Variants in VPS53 observed in about 807,000 individuals in gnomAD.
VPS53 encodes the protein vacuolar protein sorting-associated protein 53 homolog.
A neutral mutation model predicts 107.0 loss-of-function variants in VPS53; 70 were observed. The ratio of observed to expected loss-of-function variants is 0.65; its 90% CI spans 0.54 to 0.80. The LOEUF is 0.80. Among genes scored for constraint, VPS53 ranks in the 30% least tolerant of loss-of-function variants. The pLI is 0.00. For synonymous variants in VPS53, 409 were observed against 393.3 expected, an observed-to-expected ratio of 1.04 and a Z score of -0.47; for missense variants, 917 against 1,049.4, an observed-to-expected ratio of 0.87 and a Z score of 1.74.
intron 2 of VPS53, among the ~76,000 whole-genome samples, chr17:708,368 C>T (rs574712028): frequency 2.0e-4 from 31 of 152,166 alleles, no homozygotes; most frequent in African/African-American, 4.8e-4. Flanking sequence ...GGACAGCAGA[C>T]GTCAGCATTT....
At chr17:619,235 G>C (rs917263140) in intron 11 of VPS53, among the ~76,000 whole-genome samples, 1 of 140,348 alleles carries the variant, frequency 7.1e-6, no homozygotes. Context: ...CACGACGCCT[G>C]CTAATATTTC....
Position 623,647 on chromosome 17 carries a change from G to A in VPS53, c.1002C>T (p.Thr334=). ...ATTTCACTTCAATTTCCTTCGCTCTGGTACGCATAATCTTGGCAAGTTCTG... is the reference window on the plus strand; with the variant it reads ...ATTTCACTTCAATTTCCTTCGCTCTAGTACGCATAATCTTGGCAAGTTCTG... ...TRAELAKIMR[T]RAKEIEVKLL... The change falls in exon 11 of 22, where the codon ACC becomes ACT. Residue 334 remains threonine, a synonymous_variant. Transcript: ENST00000437048. The A allele has an allele frequency of 3.1e-6, 5 of 1,613,138 alleles. No individual in the cohort carries two copies. The highest frequency in any genetic ancestry group is 4.2e-6 in the Non-Finnish European group (5 of 1,179,296).
intron 15 of VPS53, among the ~76,000 whole-genome samples, chr17:556,802 T>C (rs1912405721): frequency 7.7e-6 from 1 of 130,436 alleles, no homozygotes; most frequent in African/African-American, 2.9e-5. Flanking sequence ...AATAAGGAAG[T>C]AAGCCAGCCG....
chr17:562,424 A>C (rs1466809920), intron 14 of VPS53, 79 bp downstream of exon 14: 13 of 1,578,778 alleles, frequency 8.2e-6, no homozygotes, highest in Non-Finnish European at 1.0e-5. Context: ...TTTAGTAAAC[A>C]ACTTCAGAGT....
In VPS53 at chr17:510,942, A is replaced by T. The variant is rs776137115; in HGVS notation, c.*8186T>A. 2.6e-5 allele frequency: 4 copies of T among 151,932 alleles called. No homozygotes were observed. Among genetic ancestry groups the T allele is most frequent in the Non-Finnish European group, 4.4e-5 (3 of 68,030 alleles). The allele number at this position is 151,932 out of a possible 1,614,324, so 9.4% of individuals were successfully genotyped here. ...TGTGGGGGACTCTGTGTGTAAACTGATGTTTCTTTGTATAGCATTTGATAT... is the reference window on the plus strand; with the variant it reads ...TGTGGGGGACTCTGTGTGTAAACTGTTGTTTCTTTGTATAGCATTTGATAT... On this transcript the variant is annotated 3_prime_UTR_variant, in exon 22 of 22. Coordinates refer to ENST00000437048, the MANE Select transcript of VPS53 (RefSeq NM_001128159.3).
chr17:684,656 A>G (rs372702278), intron 4 of VPS53, among the ~76,000 whole-genome samples: 1 of 152,090 alleles, frequency 6.6e-6, no homozygotes, highest in Non-Finnish European at 1.5e-5. Flanking sequence ...CGCAATCCCA[A>G]TCAAAGTCCC....
chr17:641,353 T>C (rs901460553), intron 7 of VPS53, among the ~76,000 whole-genome samples: 6 of 152,240 alleles, frequency 3.9e-5, no homozygotes, highest in Non-Finnish European at 5.9e-5. Flanking sequence ...AAAGAATTTA[T>C]CTTTGGCCTC....
chr17:694,784 T>A (rs975430762), intron 4 of VPS53, among the ~76,000 whole-genome samples: 6 of 152,208 alleles, frequency 3.9e-5, no homozygotes, highest in African/African-American at 1.4e-4. Flanking sequence ...CTGTTGCTTT[T>A]GGGGATGGGG....
intron 4 of VPS53, among the ~76,000 whole-genome samples, chr17:687,884 A>T (rs1972646440): frequency 6.6e-6 from 1 of 152,240 alleles, no homozygotes; most frequent in Non-Finnish European, 1.5e-5. Flanking sequence ...CAGCAGAGAC[A>T]AAATTTAAAT....
chr17:693,332 T>C (rs1972838531), intron 4 of VPS53, among the ~76,000 whole-genome samples: 1 of 152,206 alleles, frequency 6.6e-6, no homozygotes, highest in Non-Finnish European at 1.5e-5. Flanking sequence ...ATCACAGGTA[T>C]GTATACATAG....
chr17:597,683 C>T (rs1455865235), intron 12 of VPS53, among the ~76,000 whole-genome samples: 1 of 152,104 alleles, frequency 6.6e-6, no homozygotes, highest in Non-Finnish European at 1.5e-5. Context: ...GCTGGGATTA[C>T]AGGCATGCAC....
At chr17:551,316 C>T (rs1395892147) in intron 17 of VPS53, among the ~76,000 whole-genome samples, 2 of 152,036 alleles carry the variant, frequency 1.3e-5, no homozygotes, top group African/African-American at 2.4e-5. Flanking sequence ...CCTGTAATCC[C>T]AGCACTTGGG....
chr17:618,368 T>C (rs1969261614), intron 11 of VPS53, among the ~76,000 whole-genome samples: 1 of 106,988 alleles, frequency 9.3e-6, no homozygotes, highest in Admixed American at 9.2e-5. Flanking sequence ...GCCCCACTAA[T>C]ATTTCCCGGG....
intron 13 of VPS53, among the ~76,000 whole-genome samples, chr17:567,097 A>T (rs947576440): frequency 6.6e-6 from 1 of 152,088 alleles, no homozygotes; most frequent in Non-Finnish European, 1.5e-5. Context: ...CTCTGATGTG[A>T]TTCTATTTTC....
intron 12 of VPS53, among the ~76,000 whole-genome samples, chr17:599,451 C>T (rs1356327600): frequency 2.0e-5 from 3 of 151,450 alleles, no homozygotes; most frequent in Admixed American, 6.6e-5. Context: ...TGTGACCTTA[C>T]CCCCAACCCT....
intron 17 of VPS53, among the ~76,000 whole-genome samples, chr17:547,627 T>A (rs1266024433): frequency 6.6e-6 from 1 of 152,164 alleles, no homozygotes; most frequent in Non-Finnish European, 1.5e-5. Context: ...TAAAAACAAC[T>A]AAATTGTACA....
intron 17 of VPS53, chr17:540,304 C>T (rs1299778422): frequency 6.6e-6 from 1 of 152,070 alleles, no homozygotes; most frequent in Non-Finnish European, 1.5e-5. Context: ...CCAGCTCTGC[C>T]TCCCAAGTAG....
intron 7 of VPS53, among the ~76,000 whole-genome samples, chr17:635,383 A>G (rs914376800): frequency 2.0e-5 from 3 of 152,192 alleles, no homozygotes; most frequent in African/African-American, 4.8e-5. Flanking sequence ...TTTGCTGTGC[A>G]GAAGCTCTTT....
chr17:645,162 G>C (rs1202945290), intron 7 of VPS53, among the ~76,000 whole-genome samples: 1 of 152,132 alleles, frequency 6.6e-6, no homozygotes, highest in Non-Finnish European at 1.5e-5. Context: ...AAAAGTACAG[G>C]CAGCAAAAGC....
Sources: gnomAD v4.1 joint callset for allele counts (sites outside exome capture counted in the v4.1 genomes callset) on GRCh38, gnomAD v4.1.1 for gene constraint, MANE v1.5 for transcripts, NCBI Gene and HGNC (gene_info 2026-07-23, HGNC 2026-07-21) for gene names.